Variants in TRAF7 observed in about 807,000 individuals in gnomAD.
TRAF7 encodes TNF receptor associated factor 7.
In TRAF7, 45 loss-of-function variants were observed where a neutral mutation model predicts 89.3. The ratio of observed to expected loss-of-function variants is 0.50; its 90% CI spans 0.40 to 0.65. TRAF7 has a LOEUF of 0.65. Among genes scored for constraint, TRAF7 ranks in the 30% least tolerant of loss-of-function variants. TRAF7 has a pLI of 0.00. For synonymous variants in TRAF7, 406 were observed against 369.2 expected, an observed-to-expected ratio of 1.10 and a Z score of -1.14; for missense variants, 677 against 918.1, an observed-to-expected ratio of 0.74 and a Z score of 3.39.
At position 2,165,331 on chromosome 16, in the gene TRAF7, C is replaced by T. The variant is rs185738529; in HGVS notation, c.82-548C>T. Among the ~76,000 whole-genome samples the T allele has an allele frequency of 1.5e-3, 127 of 83,540 alleles. 2 individuals are homozygous for T. The highest frequency in any genetic ancestry group is 2.1e-3 in the Non-Finnish European group (92 of 43,092). The allele number at this position is 83,540 out of a possible 152,430, so 54.8% of individuals were successfully genotyped here. ...TTAAGTGTGTGAGTGCTGTGTGGCGCGGCCTGGTCGCATGGTTAAGCGTGT... is the reference window on the plus strand; with the variant it reads ...TTAAGTGTGTGAGTGCTGTGTGGCGTGGCCTGGTCGCATGGTTAAGCGTGT... On this transcript the variant is annotated intron_variant, in intron 2 of 20. Transcript: ENST00000326181.
intron 2 of TRAF7, 150 bp downstream of exon 2, chr16:2,164,151 T>G (rs1444006105): frequency 8.9e-6 from 5 of 559,448 alleles, no homozygotes; most frequent in African/African-American, 4.5e-5. Flanking sequence ...TGTGTGTGTG[T>G]GTGTGTGTGC....
intron 1 of TRAF7, among the ~76,000 whole-genome samples, chr16:2,156,984 G>A (rs1257172630): frequency 6.6e-6 from 1 of 152,120 alleles, no homozygotes; most frequent in Non-Finnish European, 1.5e-5. Flanking sequence ...GAGTCCAGGG[G>A]CAGGGGCCTG....
intron 7 of TRAF7, 78 bp downstream of exon 7, chr16:2,171,683 G>C (rs1366210868): frequency 1.2e-6 from 2 of 1,605,030 alleles, no homozygotes; most frequent in Non-Finnish European, 1.7e-6. Context: ...CTTCTCCCTT[G>C]TCCCCTGCAC....
rs115175870 is a variant in TRAF7 at position 2,162,294 on chromosome 16, C to T, written c.-38-1589C>T. 7.4e-3 allele frequency among the ~76,000 whole-genome samples: 1,134 copies of T among 152,234 alleles called. 12 individuals carry two copies. Among genetic ancestry groups the T allele is most frequent in the African/African-American group, 0.026 (1,067 of 41,554 alleles). On this transcript the variant is annotated intron_variant, in intron 1 of 20. Transcript: ENST00000326181. The surrounding 1 kb of genome is among the most constrained non-coding windows in gnomAD (Gnocchi z 5.0). The stretch of plus-strand genomic sequence containing the variant: ...GGTAGACAGCCCAGGAGCTCAGGTG[C>T]AGGGAACCAAGGGCTTGAGAGCCAG...
Position 2,162,102 on chromosome 16 carries a change from G to T in TRAF7, c.-38-1781G>T, listed in dbSNP as rs1392205875. 1.3e-5 allele frequency among the ~76,000 whole-genome samples: 2 copies of T among 152,254 alleles called. No individual in the cohort carries two copies. Among genetic ancestry groups the T allele is most frequent in the Non-Finnish European group, 2.9e-5 (2 of 68,040 alleles). On this transcript the variant is annotated intron_variant, in intron 1 of 20. Coordinates refer to ENST00000326181, the MANE Select transcript of TRAF7 (RefSeq NM_032271.3). The surrounding 1 kb of genome is among the most constrained non-coding windows in gnomAD (Gnocchi z 5.0). ...CGAGACCATGGGACGCAAAGATCAG[G>T]TGGGGCCAGGTAGCTCGTGGCGCTG...
intron 5 of TRAF7, 49 bp from the exon 6 acceptor site, chr16:2,171,215 G>A: frequency 6.7e-7 from 1 of 1,484,718 alleles, no homozygotes. Flanking sequence ...GTGGTGGCGG[G>A]GCTGAGGGTG....
chr16:2,171,554 C>T lies in TRAF7; in HGVS notation c.442-18C>T, dbSNP rs147670417. ...GAGGACCCTGCGCCACCCTCAAGCC[C>T]GCCCTTTGCCTCCACAGCACACGTT... On this transcript the variant is annotated intron_variant, in intron 6 of 20. Coordinates refer to ENST00000326181, the MANE Select transcript of TRAF7 (RefSeq NM_032271.3). 1.2e-3 allele frequency: 1,876 copies of T among 1,613,236 alleles called. 24 individuals carry two copies. In the African/African-American group the frequency reaches 0.022, roughly 19 times the overall value.
Position 2,165,743 on chromosome 16 carries a change from G to C in TRAF7, c.82-136G>C, listed in dbSNP as rs1274663295. Reference sequence around the variant, plus strand: ...AAGCGTGTGAGTGCTGCGTGGCGTGGCCTGGTCGCATGGTTAAGTGTGTGA... The same window carrying C: ...AAGCGTGTGAGTGCTGCGTGGCGTGCCCTGGTCGCATGGTTAAGTGTGTGA... On this transcript the variant is annotated intron_variant, in intron 2 of 20. Transcript: ENST00000326181. The C allele has an allele frequency of 1.4e-5, 13 of 941,462 alleles. No homozygotes were observed. The African/African-American group carries it at 2.1e-4, about 15-fold the overall frequency. 58.3% of individuals were successfully genotyped at this position (941,462 alleles called of 1,614,324 possible). A position where few individuals can be genotyped will look rare whatever the true frequency, so the allele number is the denominator to read the frequency against.
At chr16:2,176,434 G>C (rs62038842) in intron 20 of TRAF7, 50 bp downstream of exon 20, 7 of 1,612,006 alleles carry the variant, frequency 4.3e-6, no homozygotes, top group Non-Finnish European at 5.9e-6. Context: ...AGGATGGAGC[G>C]GGGGTGGGGA....
intron 1 of TRAF7, among the ~76,000 whole-genome samples, chr16:2,160,921 T>A (rs1312619059): frequency 6.6e-6 from 1 of 152,084 alleles, no homozygotes; most frequent in East Asian, 1.9e-4. Flanking sequence ...TGCTTTCCAG[T>A]TGTGGCCCAA....
intron 2 of TRAF7, 156 bp from the exon 3 acceptor site, chr16:2,165,721 CGT>C (rs1367320762): frequency 2.6e-6 from 2 of 754,974 alleles, no homozygotes; most frequent in Non-Finnish European, 4.3e-6. Flanking sequence ...CATGATTAAG[CGT>C]GTGAGTGCTG....
At position 2,161,621 on chromosome 16, in the gene TRAF7, T is replaced by C. The variant is rs558722841; in HGVS notation, c.-38-2262T>C. Among the ~76,000 whole-genome samples, 4 of 152,234 alleles carry C rather than the reference T, an allele frequency of 2.6e-5. No individual in the cohort carries two copies. Among genetic ancestry groups the C allele is most frequent in the South Asian group, 2.1e-4 (1 of 4,818 alleles). The stretch of plus-strand genomic sequence containing the variant: ...TTGTAAAATGCAGGTCAGTGTCTCC[T>C]AGTGGCTGCCCGGTGATCCCCTCCC... On this transcript the variant is annotated intron_variant, in intron 1 of 20. Transcript: ENST00000326181. The surrounding 1 kb of genome is among the most constrained non-coding windows in gnomAD (Gnocchi z 5.2).
At chr16:2,171,380 C>T in intron 6 of TRAF7, 24 bp downstream of exon 6, 1 of 1,543,614 alleles carries the variant, frequency 6.5e-7, no homozygotes, top group East Asian at 2.4e-5. Flanking sequence ...CCTTCCCAGC[C>T]CCCCTGCTGC....
At chr16:2,170,822 G>A (rs920255645) in intron 5 of TRAF7, 92 bp downstream of exon 5, 2 of 1,246,286 alleles carry the variant, frequency 1.6e-6, no homozygotes, top group Non-Finnish European at 2.3e-6. Flanking sequence ...TGCCCGCCCA[G>A]CTCACAGGGA....
intron 2 of TRAF7, 45 bp downstream of exon 2, chr16:2,164,046 A>T: frequency 6.5e-7 from 1 of 1,536,976 alleles, no homozygotes; most frequent in Non-Finnish European, 8.9e-7. Flanking sequence ...CAGGACCCCC[A>T]GCATGCCCCA....
chr16:2,158,644 G>A lies in TRAF7; in HGVS notation c.-39+2786G>A, dbSNP rs1053254110. 6.6e-6 allele frequency among the ~76,000 whole-genome samples: 1 copy of A among 152,126 alleles called. No homozygotes were observed. Among genetic ancestry groups the A allele is most frequent in the Non-Finnish European group, 1.5e-5 (1 of 68,018 alleles). On this transcript the variant is annotated intron_variant, in intron 1 of 20. Coordinates refer to ENST00000326181, the MANE Select transcript of TRAF7 (RefSeq NM_032271.3). The surrounding 1 kb of genome is among the most constrained non-coding windows in gnomAD (Gnocchi z 4.7). ...ATTCCTGTTGCCTCTTCGGGCCCATGTATGGCCAGTGTTTATGTCAGCTCC... is the reference window on the plus strand; with the variant it reads ...ATTCCTGTTGCCTCTTCGGGCCCATATATGGCCAGTGTTTATGTCAGCTCC...
rs955712817 is a variant in TRAF7 at position 2,175,627 on chromosome 16, G to A, written c.1626+5G>A. On this transcript the variant is annotated splice_donor_5th_base_variant and intron_variant, in intron 17 of 20. Coordinates refer to ENST00000326181, the MANE Select transcript of TRAF7 (RefSeq NM_032271.3). ...GGCTCCTACCAGACAATCAAGGTGC[G>A]CTTGGGCACACCTGGTGGCCACAGG... 9 of 1,610,770 alleles carry A rather than the reference G, an allele frequency of 5.6e-6. No individual in the cohort carries two copies. Among genetic ancestry groups the A allele is most frequent in the African/African-American group, 2.7e-5 (2 of 75,018 alleles).
rs1026885969 is a variant in TRAF7, at chr16:2,170,560, C to G, written c.232-54C>G. On this transcript the variant is annotated intron_variant, in intron 4 of 20. Transcript: ENST00000326181. Reference sequence around the variant, plus strand: ...CCGCCGGGCTGGGTCCTGTCCTCCCCGAGGCTCTGACCCCGTGCGGAGCCC... The same window carrying G: ...CCGCCGGGCTGGGTCCTGTCCTCCCGGAGGCTCTGACCCCGTGCGGAGCCC... The G allele has an allele frequency of 1.2e-4, 176 of 1,417,662 alleles. 1 individual carries two copies. The highest frequency in any genetic ancestry group is 1.6e-4 in the Non-Finnish European group (164 of 1,010,542). 87.8% of individuals were successfully genotyped at this position (1,417,662 alleles called of 1,614,324 possible). A position where few individuals can be genotyped will look rare whatever the true frequency, so the allele number is the denominator to read the frequency against.
At position 2,177,002 on chromosome 16, in the gene TRAF7, C is replaced by T. The variant is rs1366259166; in HGVS notation, c.*428C>T. On this transcript the variant is annotated 3_prime_UTR_variant, in exon 21 of 21. Transcript: ENST00000326181. ...TGTGTGGCCTTGAGGTTGGTGTGCACAGGCACTGGCTGCTGTGAGTGGGGG... is the reference window on the plus strand; with the variant it reads ...TGTGTGGCCTTGAGGTTGGTGTGCATAGGCACTGGCTGCTGTGAGTGGGGG... 5.5e-6 allele frequency: 2 copies of T among 361,760 alleles called. No homozygotes were observed. Among genetic ancestry groups the T allele is most frequent in the Admixed American group, 8.1e-5 (2 of 24,578 alleles). 22.4% of individuals were successfully genotyped at this position (361,760 alleles called of 1,614,324 possible). A position where few individuals can be genotyped will look rare whatever the true frequency, so the allele number is the denominator to read the frequency against.
Sources: allele counts gnomAD v4.1 joint callset (sites outside exome capture counted in the v4.1 genomes callset), GRCh38; gene constraint gnomAD v4.1.1; non-coding constraint Gnocchi (gnomAD v3.1); transcripts MANE v1.5; gene names NCBI Gene and HGNC (gene_info 2026-07-23, HGNC 2026-07-21).